DNAH14: variants seen among roughly 807,000 people sequenced by gnomAD.
DNAH14 encodes axonemal beta dynein heavy chain 14.
Under a neutral mutation model 520.9 loss-of-function variants are expected in DNAH14, and 478 were observed. That is an observed-to-expected ratio of 0.92 (90% CI 0.85 to 0.99). The LOEUF (loss-of-function observed/expected upper bound fraction) is 0.99, where lower values mean the gene tolerates loss of function less well. Among genes scored for constraint, DNAH14 ranks in the 50% least tolerant of loss-of-function variants. The probability of loss-of-function intolerance (pLI) is 0.00; values close to 1 mark genes in which losing one functional copy is unlikely to be tolerated. For synonymous variants in DNAH14, 1,581 were observed against 1,757.2 expected (o/e 0.90, Z 2.51); for missense variants, 4,831 against 5,234.5 (o/e 0.92, Z 2.38).
intron 54 of DNAH14, among the ~76,000 whole-genome samples, chr1:225,278,676 A>T (rs981820980): frequency 3.9e-5 from 6 of 152,166 alleles, no homozygotes; most frequent in African/African-American, 1.2e-4. Flanking sequence ...TCAATTATTA[A>T]CAGATTATTT....
intron 41 of DNAH14, among the ~76,000 whole-genome samples, chr1:225,223,602 G>A (rs558433399): frequency 1.1e-4 from 17 of 152,238 alleles, no homozygotes; most frequent in African/African-American, 3.6e-4. Context: ...TGCAACCTAT[G>A]GGGCCTCTTT....
In DNAH14 at chr1:225,159,635, C is replaced by G. The variant is rs554813418; in HGVS notation, c.5445+150C>G. On this transcript the variant is annotated intron_variant, in intron 35 of 85. Transcript: ENST00000682510. ...TAAAAATACTTGGAGATATATAGTG[C>G]CCCTTGGGGAAAAAAAGAGCTTTCA... 7 of 850,830 alleles carry G rather than the reference C, an allele frequency of 8.2e-6. No individual in the cohort carries two copies. The South Asian group carries it at 1.5e-4, about 18-fold the overall frequency. The allele number at this position is 850,830 out of a possible 1,614,324, so 52.7% of individuals were successfully genotyped here. A position where few individuals can be genotyped will look rare whatever the true frequency, so the allele number is the denominator to read the frequency against.
chr1:225,251,339 A>G (rs1281869000), intron 43 of DNAH14, among the ~76,000 whole-genome samples: 1 of 151,956 alleles, frequency 6.6e-6, no homozygotes, highest in Non-Finnish European at 1.5e-5. Context: ...ACGCTTGGCT[A>G]ATTTTTGTAT....
At chr1:225,373,649 A>T (rs990502690) in intron 77 of DNAH14, among the ~76,000 whole-genome samples, 4 of 152,160 alleles carry the variant, frequency 2.6e-5, no homozygotes, top group African/African-American at 9.7e-5. Flanking sequence ...AATTCTGTCA[A>T]TGGTGGCCTC....
At chr1:225,235,923 A>G (rs1451815016) in intron 42 of DNAH14, among the ~76,000 whole-genome samples, 2 of 151,546 alleles carry the variant, frequency 1.3e-5, no homozygotes, top group Non-Finnish European at 3.0e-5. Flanking sequence ...TTTGATTCTT[A>G]TGTTTTCTTT....
chr1:224,960,236 A>C lies in DNAH14; in HGVS notation c.301A>C (p.Lys101Gln). 6.2e-7 allele frequency: 1 copy of C among 1,612,078 alleles called. No homozygotes were observed. Residue 101 changes from lysine to glutamine, a missense_variant, in exon 4 of 86, where the codon AAA (lysine) becomes CAA (glutamine). By Grantham distance (53) the Lys-to-Gln change is moderately conservative (BLOSUM62 1). Transcript: ENST00000682510. ...SLKEKGKSRRKKDQTHACPNV... is the reference protein window; with the variant it reads ...SLKEKGKSRRQKDQTHACPNV... ...TAAGGAGAAAGGGAAGTCAAGGAGA[A>C]AAAAGGATCAAACTCATGCTTGTCC...
chr1:225,114,943 T>C (rs113986384), intron 23 of DNAH14, among the ~76,000 whole-genome samples: 6,354 of 152,324 alleles, frequency 0.042, 217 homozygotes, highest in Non-Finnish European at 0.061. Context: ...GTACTATGAA[T>C]GCTTACCTTT....
chr1:225,392,619 G>A (rs1013156288), intron 84 of DNAH14, among the ~76,000 whole-genome samples, 168 bp downstream of exon 84: 2 of 152,130 alleles, frequency 1.3e-5, no homozygotes, highest in African/African-American at 4.8e-5. Flanking sequence ...CAGACTTCAT[G>A]TCTTCCACTC....
At position 225,390,956 on chromosome 1, in the gene DNAH14, T is replaced by C. The variant is rs555917773; in HGVS notation, c.13330+1083T>C. 1.6e-3 allele frequency among the ~76,000 whole-genome samples: 246 copies of C among 152,034 alleles called. 2 individuals are homozygous for C. Among genetic ancestry groups the C allele is most frequent in the African/African-American group, 5.7e-3 (238 of 41,496 alleles). On this transcript the variant is annotated intron_variant, in intron 83 of 85. Transcript: ENST00000682510. ...GATTCTGGGGGTGGGGGGAAACTAA[T>C]AGGTGACTGAGTCAAGATTTGAACT...
intron 20 of DNAH14, among the ~76,000 whole-genome samples, chr1:225,084,455 A>G (rs3105564): frequency 0.74 from 112,226 of 151,930 alleles, 44,328 homozygotes; most frequent in Non-Finnish European, 0.88. Context: ...AAGATAGGTC[A>G]TATTAGAAGT....
At chr1:225,215,797 A>G (rs1046167533) in intron 41 of DNAH14, among the ~76,000 whole-genome samples, 12 of 152,242 alleles carry the variant, frequency 7.9e-5, no homozygotes, top group Admixed American at 2.0e-4. Flanking sequence ...GTCTCTGCAC[A>G]TGAGATGGGT....
chr1:225,087,521 A>G (rs2073951318), intron 21 of DNAH14, among the ~76,000 whole-genome samples: 1 of 152,226 alleles, frequency 6.6e-6, no homozygotes, highest in Admixed American at 6.5e-5. Flanking sequence ...TTTTCGGGAC[A>G]CTGGACATCA....
At chr1:225,388,181 C>A (rs2095863702) in intron 81 of DNAH14, among the ~76,000 whole-genome samples, 198 bp from the exon 82 acceptor site, 3 of 152,154 alleles carry the variant, frequency 2.0e-5, no homozygotes, top group Admixed American at 2.0e-4. Flanking sequence ...TTATCCAAAG[C>A]ACTGTTAAGA....
intron 68 of DNAH14, among the ~76,000 whole-genome samples, chr1:225,339,411 G>T (rs2095133340): frequency 6.6e-6 from 1 of 152,142 alleles, no homozygotes; most frequent in African/African-American, 2.4e-5. Context: ...ACTCAAAAAA[G>T]GGATCCCATG....
chr1:224,959,180 A>T lies in DNAH14; in HGVS notation c.218-973A>T, dbSNP rs562155502. ...AAGATAGAAGAAAGTTTTCACAACTACCTCACCAATCTTTCCACTAATGCC... is the reference window on the plus strand; with the variant it reads ...AAGATAGAAGAAAGTTTTCACAACTTCCTCACCAATCTTTCCACTAATGCC... On this transcript the variant is annotated intron_variant, in intron 3 of 85. Coordinates refer to ENST00000682510, the MANE Select transcript of DNAH14 (RefSeq NM_001367479.1). Among the ~76,000 whole-genome samples the T allele has an allele frequency of 2.0e-5, 3 of 152,190 alleles. No homozygotes were observed. In the South Asian group the frequency reaches 6.2e-4, roughly 32 times the overall value.
chr1:225,240,071 C>A (rs2091879037), intron 42 of DNAH14, among the ~76,000 whole-genome samples: 1 of 152,154 alleles, frequency 6.6e-6, no homozygotes, highest in Non-Finnish European at 1.5e-5. Flanking sequence ...TAAACTAAAT[C>A]AACCTCTACG....
At chr1:225,277,161 G>A (rs1434405166) in intron 53 of DNAH14, among the ~76,000 whole-genome samples, 2 of 150,916 alleles carry the variant, frequency 1.3e-5, no homozygotes, top group East Asian at 3.9e-4. Flanking sequence ...ACTATTGTTT[G>A]CCTCTTCATT....
chr1:225,162,295 C>T (rs944857897), intron 35 of DNAH14, among the ~76,000 whole-genome samples: 4 of 152,058 alleles, frequency 2.6e-5, no homozygotes, highest in Non-Finnish European at 5.9e-5. Context: ...ATAAGTTCAC[C>T]ACAGGTGTGT....
chr1:224,960,042 A>G, intron 3 of DNAH14, 111 bp from the exon 4 acceptor site: 1 of 1,090,906 alleles, frequency 9.2e-7, no homozygotes, highest in African/African-American at 1.6e-5. Context: ...CTTAACTACC[A>G]TGCTATACTG....
Sources: gnomAD v4.1 joint callset for allele counts (sites outside exome capture counted in the v4.1 genomes callset) on GRCh38, gnomAD v4.1.1 for gene constraint, MANE v1.5 for transcripts, NCBI Gene and HGNC (gene_info 2026-07-23, HGNC 2026-07-21) for gene names.